The following FHOD3 variants were observed in gnomAD, a reference collection of about 807,000 sequenced individuals.
FHOD3 encodes the protein formin homology 2 domain containing 3.
FHOD3 carries 90 observed loss-of-function variants against 173.0 expected under a neutral mutation model. The observed-to-expected ratio is 0.52, with a 90% confidence interval of 0.44 to 0.62. The LOEUF (loss-of-function observed/expected upper bound fraction) is 0.62. FHOD3 is among the 20% of genes least tolerant of loss of function. The pLI is 0.00. For synonymous variants in FHOD3, 828 were observed against 823.0 expected, an observed-to-expected ratio of 1.01 and a Z score of -0.10; for missense variants, 1,945 against 2,034.7, an observed-to-expected ratio of 0.96 and a Z score of 0.85.
intron 3 of FHOD3, among the ~76,000 whole-genome samples, chr18:36,392,543 G>T (rs1269234332): frequency 6.6e-6 from 1 of 152,190 alleles, no homozygotes; most frequent in Non-Finnish European, 1.5e-5. Context: ...TCCCTGAGTA[G>T]GGGACAGAGG....
At chr18:36,589,941 C>T (rs552668126) in intron 6 of FHOD3, among the ~76,000 whole-genome samples, 20 of 152,246 alleles carry the variant, frequency 1.3e-4, no homozygotes, top group African/African-American at 3.9e-4. Flanking sequence ...TTCGTTACCA[C>T]GTGAAGGCAT....
rs140248174 is a variant in FHOD3, at chr18:36,456,758, T to A, written c.338-45174T>A. 9.9e-4 allele frequency among the ~76,000 whole-genome samples: 150 copies of A among 152,168 alleles called. 2 individuals are homozygous for A. The Middle Eastern group carries it at 0.031, about 31-fold the overall frequency. ...ACCAAGCTTCTGGAGAGAGCCTTGC[T>A]TGTACACACCTCAGCTCTTGCCTGC... On this transcript the variant is annotated intron_variant, in intron 3 of 28. Transcript: ENST00000590592.
At position 36,711,928 on chromosome 18, in the gene FHOD3, G is replaced by A. The variant is rs77246778; in HGVS notation, c.2533+2537G>A. On this transcript the variant is annotated intron_variant, in intron 18 of 28. Coordinates refer to ENST00000590592, the MANE Select transcript of FHOD3 (RefSeq NM_001281740.3). ...AGACTGATAAGAAGCTGAACCTCCC[G>A]CGTCCCTTGGAGGTAATAAGGCAAT... Among the ~76,000 whole-genome samples the A allele has an allele frequency of 4.6e-3, 701 of 152,266 alleles. 2 individuals carry two copies. The highest frequency in any genetic ancestry group is 0.012 in the Admixed American group (180 of 15,298).
At chr18:36,749,483 T>C (rs1207083299) in intron 24 of FHOD3, among the ~76,000 whole-genome samples, 1 of 152,236 alleles carries the variant, frequency 6.6e-6, no homozygotes, top group Non-Finnish European at 1.5e-5. Flanking sequence ...TCCAGCTCCA[T>C]CCATGTTCCC....
chr18:36,762,015 A>G (rs2042902621), intron 27 of FHOD3, among the ~76,000 whole-genome samples: 1 of 152,078 alleles, frequency 6.6e-6, no homozygotes. Context: ...GTAGGCTCTA[A>G]TGAACATGCA....
At chr18:36,378,112 A>G (rs1025508116) in intron 3 of FHOD3, among the ~76,000 whole-genome samples, 4 of 152,148 alleles carry the variant, frequency 2.6e-5, no homozygotes, top group Non-Finnish European at 5.9e-5. Flanking sequence ...CTGATTCTCC[A>G]GAAGCCCTGG....
intron 14 of FHOD3, among the ~76,000 whole-genome samples, chr18:36,667,684 C>A (rs554301441): frequency 2.6e-5 from 4 of 152,076 alleles, no homozygotes; most frequent in Admixed American, 6.6e-5. Context: ...ATGAATGGAG[C>A]TTACAGAATT....
chr18:36,682,102 A>G (rs1304145886), intron 15 of FHOD3, among the ~76,000 whole-genome samples: 1 of 152,012 alleles, frequency 6.6e-6, no homozygotes, highest in Non-Finnish European at 1.5e-5. Flanking sequence ...AGCTTCAAGG[A>G]TGTGTTCCTG....
rs981391546 is a variant in FHOD3, at chr18:36,503,747, G to C, written c.405+1748G>C. Among the ~76,000 whole-genome samples the C allele has an allele frequency of 2.6e-5, 4 of 152,170 alleles. No individual in the cohort carries two copies. In the South Asian group the frequency reaches 6.2e-4, roughly 24 times the overall value. ...TCCCACCAGAGGGAGTTACTCTCTT[G>C]TTGGTTCCATGTTGCCTTCTGGGTT... On this transcript the variant is annotated intron_variant, in intron 4 of 28. Transcript: ENST00000590592.
intron 17 of FHOD3, among the ~76,000 whole-genome samples, chr18:36,696,956 G>A (rs1352069336): frequency 6.6e-6 from 1 of 152,142 alleles, no homozygotes; most frequent in African/African-American, 2.4e-5. Flanking sequence ...TATCTACTTA[G>A]TAAGTTTATT....
At chr18:36,547,395 T>A (rs1226068613) in intron 5 of FHOD3, among the ~76,000 whole-genome samples, 1 of 152,128 alleles carries the variant, frequency 6.6e-6, no homozygotes, top group Admixed American at 6.5e-5. Flanking sequence ...CCAAAAAAAT[T>A]CTTGTTTTTC....
chr18:36,609,973 G>A (rs2032505644), intron 8 of FHOD3, among the ~76,000 whole-genome samples: 1 of 152,242 alleles, frequency 6.6e-6, no homozygotes, highest in Admixed American at 6.5e-5. Context: ...CACCCTTTAT[G>A]GTTGGACTTG....
chr18:36,382,601 A>G (rs901081119), intron 3 of FHOD3, among the ~76,000 whole-genome samples: 1 of 152,226 alleles, frequency 6.6e-6, no homozygotes, highest in Non-Finnish European at 1.5e-5. Context: ...TCTGATTAAA[A>G]GGGCTCCAGT....
intron 3 of FHOD3, among the ~76,000 whole-genome samples, chr18:36,498,656 C>T (rs2054866219): frequency 6.6e-6 from 1 of 152,094 alleles, no homozygotes; most frequent in African/African-American, 2.4e-5. Context: ...GAATAAATAA[C>T]ACAAAGTCTA....
chr18:36,343,889 G>T (rs1398808944), intron 1 of FHOD3, among the ~76,000 whole-genome samples: 3 of 152,104 alleles, frequency 2.0e-5, no homozygotes, highest in African/African-American at 4.8e-5. Flanking sequence ...TATAGAGACA[G>T]AAAGGAGATT....
At chr18:36,776,424 G>A (rs370811085) in intron 28 of FHOD3, among the ~76,000 whole-genome samples, 1 of 152,180 alleles carries the variant, frequency 6.6e-6, no homozygotes, top group East Asian at 1.9e-4. Flanking sequence ...TGTCGCGTGT[G>A]ACTTGAATTG....
chr18:36,618,310 GGTT>G (rs1186871091), intron 9 of FHOD3, among the ~76,000 whole-genome samples: 6 of 85,240 alleles, frequency 7.0e-5, no homozygotes, highest in African/African-American at 2.4e-4. Flanking sequence ...GTTTTTTGGT[GGTT>G]TTTTTTTTTT....
In FHOD3 at chr18:36,297,833, A is replaced by G; in HGVS notation, c.-3A>G. On this transcript the variant is annotated 5_prime_UTR_variant, in exon 1 of 29. Coordinates refer to ENST00000590592, the MANE Select transcript of FHOD3 (RefSeq NM_001281740.3). ...GCCCGCGCCCCCGCGGCAGGGATGC[A>G]TCATGGCCACGCTGGCTTGCCGGGT... The G allele has an allele frequency of 6.6e-7, 1 of 1,520,356 alleles. No homozygotes were observed. Among genetic ancestry groups the G allele is most frequent in the Non-Finnish European group, 8.8e-7 (1 of 1,133,042 alleles). The allele number at this position is 1,520,356 out of a possible 1,614,324, so 94.2% of individuals were successfully genotyped here.
In FHOD3 at chr18:36,508,294, A is replaced by G. The variant is rs553668764; in HGVS notation, c.406-4144A>G. 3.9e-4 allele frequency among the ~76,000 whole-genome samples: 60 copies of G among 152,156 alleles called. No individual in the cohort carries two copies. The South Asian group carries it at 0.012, about 32-fold the overall frequency. ...CTTTTTTTTTTTTAAAAAAAGCTAG[A>G]AGCAATAATCAATTCATTAGCAAAA... On this transcript the variant is annotated intron_variant, in intron 4 of 28. Transcript: ENST00000590592.
Sources: gnomAD v4.1 joint callset for allele counts (sites outside exome capture counted in the v4.1 genomes callset) on GRCh38, gnomAD v4.1.1 for gene constraint, MANE v1.5 for transcripts, NCBI Gene and HGNC (gene_info 2026-07-23, HGNC 2026-07-21) for gene names.